Variants in PDLIM1 observed in about 807,000 individuals in gnomAD.
PDLIM1 encodes PDZ and LIM domain protein 1.
Under a neutral mutation model 35.2 loss-of-function variants are expected in PDLIM1, and 25 were observed. The observed-to-expected ratio is 0.71, with a 90% CI of 0.52 to 0.99. The LOEUF (loss-of-function observed/expected upper bound fraction) is 0.99, where lower values mean the gene tolerates loss of function less well. Ranked by LOEUF, PDLIM1 falls within the 50% of genes least tolerant of loss-of-function variation. The pLI is 0.00. For synonymous variants in PDLIM1, 152 were observed against 154.0 expected, an observed-to-expected ratio of 0.99 and a Z score of 0.10; for missense variants, 363 against 415.3, an observed-to-expected ratio of 0.87 and a Z score of 1.09.
At chr10:95,243,231 G>C (rs1308721208) in intron 5 of PDLIM1, among the ~76,000 whole-genome samples, 1 of 152,152 alleles carries the variant, frequency 6.6e-6, no homozygotes, top group Non-Finnish European at 1.5e-5. Context: ...TTGGCTTCAA[G>C]GTTTTTTCTC....
chr10:95,246,634 T>C (rs1310985886), intron 5 of PDLIM1, among the ~76,000 whole-genome samples: 3 of 152,204 alleles, frequency 2.0e-5, no homozygotes, highest in African/African-American at 7.2e-5. Flanking sequence ...TTATCCCTGA[T>C]GGACAGATGA....
intron 5 of PDLIM1, among the ~76,000 whole-genome samples, chr10:95,242,459 G>A (rs889481537): frequency 4.6e-5 from 7 of 151,994 alleles, no homozygotes; most frequent in African/African-American, 1.7e-4. Flanking sequence ...GACCAAGGCG[G>A]GCAGATCACT....
chr10:95,255,627 T>C (rs754845767), intron 4 of PDLIM1, among the ~76,000 whole-genome samples: 2 of 152,114 alleles, frequency 1.3e-5, no homozygotes, highest in African/African-American at 2.4e-5. Context: ...GAAAGGAAAT[T>C]ACCTCCACAT....
Position 95,238,607 on chromosome 10 carries a change from T to G in PDLIM1, c.764A>C (p.Gln255Pro). The G allele has an allele frequency of 1.2e-6, 2 of 1,613,872 alleles. No homozygotes were observed. Among genetic ancestry groups the G allele is most frequent in the Non-Finnish European group, 1.7e-6 (2 of 1,179,760 alleles). Residue 255 changes from glutamine to proline, a missense_variant, in exon 6 of 7, where the codon CAG (glutamine) becomes CCG (proline). Transcript: ENST00000329399. ...ACATTTGTCACACATAGGCAACTTC[T>G]GAGCATTTCCAATCGACGCAGCCAC... ...TKVAASIGNA[Q>P]KLPMCDKCGT... is the part of the protein sequence containing the mutation.
intron 1 of PDLIM1, among the ~76,000 whole-genome samples, chr10:95,276,918 A>C (rs1044065039): frequency 1.3e-5 from 2 of 150,564 alleles, no homozygotes; most frequent in East Asian, 3.9e-4. Context: ...AAAAAAAAAA[A>C]AAAAAACTTC....
At chr10:95,248,733 C>T (rs2035243438) in intron 4 of PDLIM1, among the ~76,000 whole-genome samples, 1 of 152,212 alleles carries the variant, frequency 6.6e-6, no homozygotes, top group Non-Finnish European at 1.5e-5. Context: ...CTTCTCCCTC[C>T]ACACACATCC....
chr10:95,247,377 T>C lies in PDLIM1; in HGVS notation c.534-11A>G, dbSNP rs369603480. On this transcript the variant is annotated splice_polypyrimidine_tract_variant and intron_variant, in intron 4 of 6. Transcript: ENST00000329399. ...TGAGCATGGTCTAAGCTGTAAAGAA[T>C]GTTTGAAAAATTGATTAGGACATGA... The C allele has an allele frequency of 2.3e-5, 37 of 1,604,460 alleles. No homozygotes were observed. Among genetic ancestry groups the C allele is most frequent in the Non-Finnish European group, 2.9e-5 (34 of 1,177,188 alleles).
At chr10:95,241,203 C>T (rs916945165) in intron 5 of PDLIM1, among the ~76,000 whole-genome samples, 7 of 152,140 alleles carry the variant, frequency 4.6e-5, no homozygotes, top group African/African-American at 1.2e-4. Context: ...CCAATCCTTC[C>T]GAACCAAAAA....
intron 3 of PDLIM1, among the ~76,000 whole-genome samples, chr10:95,266,028 G>T (rs1047186120): frequency 6.6e-6 from 1 of 151,886 alleles, no homozygotes; most frequent in African/African-American, 2.4e-5. Flanking sequence ...GTGAAACCTC[G>T]TTTCTACTAA....
At chr10:95,289,939 A>C (rs2035637262) in intron 1 of PDLIM1, among the ~76,000 whole-genome samples, 1 of 152,240 alleles carries the variant, frequency 6.6e-6, no homozygotes, top group South Asian at 2.1e-4. Flanking sequence ...TGGCCAGATT[A>C]AATGGCCAAA....
At chr10:95,263,812 G>A (rs1379149968) in intron 4 of PDLIM1, 52 bp downstream of exon 4, 17 of 1,454,286 alleles carry the variant, frequency 1.2e-5, no homozygotes, top group Middle Eastern at 2.3e-4. Flanking sequence ...TGGTCCTGAT[G>A]TGAAAAGCCC....
At position 95,238,810 on chromosome 10, in the gene PDLIM1, C is replaced by G. The variant is rs938651775; in HGVS notation, c.686-125G>C. The G allele has an allele frequency of 2.2e-5, 14 of 631,650 alleles. No individual in the cohort carries two copies. In the African/African-American group the frequency reaches 2.4e-4, roughly 11 times the overall value. 39.1% of individuals were successfully genotyped at this position (631,650 alleles called of 1,614,324 possible). ...CCATGGGAACTGGAGTGACTCTGCT[C>G]TGTGATCCTGGGCAAGTAACTTAGC... is the stretch of plus-strand genomic sequence containing the variant. On this transcript the variant is annotated intron_variant, in intron 5 of 6. Transcript: ENST00000329399.
At chr10:95,245,918 T>C (rs1385039726) in intron 5 of PDLIM1, among the ~76,000 whole-genome samples, 1 of 152,122 alleles carries the variant, frequency 6.6e-6, no homozygotes, top group Non-Finnish European at 1.5e-5. Context: ...CTGCGGACTT[T>C]GAGGAGGGAG....
rs138140640 is a variant in PDLIM1 at position 95,258,464 on chromosome 10, T to C, written c.533+5400A>G. On this transcript the variant is annotated intron_variant, in intron 4 of 6. Coordinates refer to ENST00000329399, the MANE Select transcript of PDLIM1 (RefSeq NM_020992.4). ...TTGTAGTAAGCCAAGATCGCGCCAC[T>C]GCACTCCAGCCTGGGGGACAGAGCG... Among the ~76,000 whole-genome samples the C allele has an allele frequency of 3.7e-3, 556 of 151,980 alleles. 4 individuals are homozygous for C. The highest frequency in any genetic ancestry group is 0.013 in the African/African-American group (519 of 41,416).
chr10:95,271,894 G>C lies in PDLIM1; in HGVS notation c.97-110C>G, dbSNP rs188761939. 6 of 926,456 alleles carry C rather than the reference G, an allele frequency of 6.5e-6. No individual in the cohort carries two copies. In the Admixed American group the frequency reaches 1.7e-4, roughly 27 times the overall value. 57.4% of individuals were successfully genotyped at this position (926,456 alleles called of 1,614,324 possible). On this transcript the variant is annotated intron_variant, in intron 1 of 6. Coordinates refer to ENST00000329399, the MANE Select transcript of PDLIM1 (RefSeq NM_020992.4). ...AGCAAAGCCCTGAAAAAGAAAAGAG[G>C]GCTGAAATCATAGCTTAAATAATAA...
chr10:95,288,490 T>C (rs45456491), intron 1 of PDLIM1, among the ~76,000 whole-genome samples: 65,302 of 151,884 alleles, frequency 0.43, 14,021 homozygotes, highest in South Asian at 0.5. Flanking sequence ...ACTATCACTA[T>C]TTACGGAGCA....
chr10:95,266,423 C>G (rs1408277476), intron 3 of PDLIM1, among the ~76,000 whole-genome samples: 2 of 152,138 alleles, frequency 1.3e-5, no homozygotes, highest in Admixed American at 1.3e-4. Context: ...CTCTCCATCA[C>G]CATGGCAATT....
At chr10:95,256,983 AAAAAAAGAAAGAAAGAAAGAAAG>A (rs2035316960) in intron 4 of PDLIM1, among the ~76,000 whole-genome samples, 1 of 137,160 alleles carries the variant, frequency 7.3e-6, no homozygotes, top group Non-Finnish European at 1.6e-5. Flanking sequence ...TTAAAAAAAA[AAAAAAAGAAAGAAAGAAAGAAAG>A]AAAGAAAGAA....
At chr10:95,254,751 T>C (rs532006556) in intron 4 of PDLIM1, among the ~76,000 whole-genome samples, 18 of 152,084 alleles carry the variant, frequency 1.2e-4, no homozygotes, top group Middle Eastern at 3.4e-3. Flanking sequence ...ACCCTGTCTC[T>C]ACAAAAATTA....
Sources: allele counts gnomAD v4.1 joint callset (sites outside exome capture counted in the v4.1 genomes callset), GRCh38; gene constraint gnomAD v4.1.1; transcripts MANE v1.5; gene names NCBI Gene and HGNC (gene_info 2026-07-23, HGNC 2026-07-21).